Variants in RELL1 observed in about 807,000 individuals in gnomAD.
RELL1 encodes the protein RELT-like protein 1.
Under a neutral mutation model 23.0 loss-of-function variants are expected in RELL1, and 10 were observed. The observed-to-expected ratio is 0.43, with a 90% CI of 0.27 to 0.74. RELL1 has a LOEUF of 0.74. RELL1 is among the 30% of genes least tolerant of loss of function. RELL1 has a pLI of 0.19. For synonymous variants in RELL1, 146 were observed against 146.8 expected, an observed-to-expected ratio of 0.99 and a Z score of 0.04; for missense variants, 315 against 364.4, an observed-to-expected ratio of 0.86 and a Z score of 1.10.
At chr4:37,677,604 A>C (rs1230433586) in intron 1 of RELL1, among the ~76,000 whole-genome samples, 3 of 152,228 alleles carry the variant, frequency 2.0e-5, no homozygotes, top group African/African-American at 7.2e-5. Flanking sequence ...CAATTGGTGA[A>C]TCTTCCAAAG....
At chr4:37,641,687 G>T (rs559784661) in intron 3 of RELL1, among the ~76,000 whole-genome samples, 2 of 152,242 alleles carry the variant, frequency 1.3e-5, no homozygotes, top group African/African-American at 4.8e-5. Context: ...CTGAATCCCT[G>T]CTTGATAATA....
chr4:37,668,528 C>T (rs983104104), intron 1 of RELL1, among the ~76,000 whole-genome samples: 3 of 151,950 alleles, frequency 2.0e-5, no homozygotes, highest in African/African-American at 7.2e-5. Flanking sequence ...CTCAATGGTG[C>T]CCAGGCTGGA....
chr4:37,631,748 C>T (rs568505052), intron 5 of RELL1, among the ~76,000 whole-genome samples: 6 of 152,138 alleles, frequency 3.9e-5, no homozygotes, highest in East Asian at 1.9e-4. Context: ...CAGACTAAGC[C>T]GGATATTTTA....
At chr4:37,588,966 A>T, downstream of RELL1, 3 of 1,177,210 alleles carry the variant, frequency 2.5e-6, no homozygotes, top group Non-Finnish European at 3.8e-6. Context: ...ACTTTTAAAG[A>T]CCATGCGTGT....
At chr4:37,588,596 C>T, downstream of RELL1, 1 of 441,848 alleles carries the variant, frequency 2.3e-6, no homozygotes, top group South Asian at 3.4e-5. Flanking sequence ...AAACACATAA[C>T]CCCAGGGTTG....
At chr4:37,639,248 G>A (rs916003573) in intron 3 of RELL1, among the ~76,000 whole-genome samples, 10 of 151,990 alleles carry the variant, frequency 6.6e-5, no homozygotes, top group African/African-American at 2.2e-4. Context: ...GCTGGGCGTG[G>A]TGGCAGGCAC....
At position 37,663,175 on chromosome 4, in the gene RELL1, C is replaced by T. The variant is rs544815691; in HGVS notation, c.89-13675G>A. Among the ~76,000 whole-genome samples the T allele has an allele frequency of 8.2e-4, 125 of 152,238 alleles. No individual in the cohort carries two copies. The Middle Eastern group carries it at 0.01, about 12-fold the overall frequency. On this transcript the variant is annotated intron_variant, in intron 1 of 6. Transcript: ENST00000454158. ...TCTCTCCCCATCTTCTTTTCCTGTT[C>T]TCCAGCCCCTCCCTCCCTCTTTCGC... is the stretch of plus-strand genomic sequence containing the variant.
chr4:37,601,941 C>A (rs1286715731), intron 6 of RELL1, among the ~76,000 whole-genome samples: 1 of 152,034 alleles, frequency 6.6e-6, no homozygotes, highest in Non-Finnish European at 1.5e-5. Context: ...AGGCTGGGCA[C>A]AGTGGCTCAT....
intron 6 of RELL1, among the ~76,000 whole-genome samples, chr4:37,593,233 A>G (rs1718700305): frequency 6.6e-6 from 1 of 152,136 alleles, no homozygotes; most frequent in Non-Finnish European, 1.5e-5. Context: ...GTTGTATGGG[A>G]CGAGTGTTTT....
At chr4:37,686,159 G>T in intron 1 of RELL1, 41 bp downstream of exon 1, 1 of 1,518,370 alleles carries the variant, frequency 6.6e-7, no homozygotes, top group Non-Finnish European at 8.9e-7. Flanking sequence ...TCCCGGGACC[G>T]GGCTCAGCAC....
intron 6 of RELL1, among the ~76,000 whole-genome samples, chr4:37,615,907 C>T (rs948093966): frequency 2.0e-5 from 3 of 151,914 alleles, no homozygotes; most frequent in Admixed American, 6.6e-5. Flanking sequence ...TATGGGTCCA[C>T]GGAAGCTGCC....
At chr4:37,681,162 T>C (rs1259445668) in intron 1 of RELL1, among the ~76,000 whole-genome samples, 1 of 152,180 alleles carries the variant, frequency 6.6e-6, no homozygotes, top group Non-Finnish European at 1.5e-5. Context: ...TAGCAAACTC[T>C]AATCTGAGGT....
At chr4:37,630,217 T>C (rs992135498) in intron 6 of RELL1, among the ~76,000 whole-genome samples, 2 of 150,682 alleles carry the variant, frequency 1.3e-5, no homozygotes, top group Non-Finnish European at 3.0e-5. Context: ...CCCTCCCAAA[T>C]CGTCACCGTT....
chr4:37,586,403 G>T (rs1718342237), downstream of RELL1, among the ~76,000 whole-genome samples: 2 of 152,162 alleles, frequency 1.3e-5, no homozygotes, highest in Admixed American at 1.3e-4. Flanking sequence ...TGTCCTAAGT[G>T]CTGAGAATTA....
intron 1 of RELL1, among the ~76,000 whole-genome samples, chr4:37,659,416 T>C (rs1277397768): frequency 6.6e-6 from 1 of 152,196 alleles, no homozygotes; most frequent in South Asian, 2.1e-4. Context: ...CAAGTAATAC[T>C]TGTATTTCCA....
chr4:37,609,519 C>A (rs1719312011), downstream of RELL1, among the ~76,000 whole-genome samples: 1 of 152,214 alleles, frequency 6.6e-6, no homozygotes, highest in South Asian at 2.1e-4. Context: ...AAAGGCATTT[C>A]ATAAGGCTAC....
intron 6 of RELL1, among the ~76,000 whole-genome samples, chr4:37,615,745 A>T (rs1380045439): frequency 6.6e-6 from 1 of 152,220 alleles, no homozygotes; most frequent in Non-Finnish European, 1.5e-5. Context: ...CCAAAGTGTA[A>T]CCATTTTGCT....
At chr4:37,686,050 C>T in intron 1 of RELL1, 150 bp downstream of exon 1, 1 of 675,800 alleles carries the variant, frequency 1.5e-6, no homozygotes, top group Non-Finnish European at 2.4e-6. Context: ...GCCCGGACCG[C>T]CGCGGGACAG....
intron 3 of RELL1, among the ~76,000 whole-genome samples, chr4:37,638,867 G>A (rs1720425648): frequency 6.6e-6 from 1 of 152,192 alleles, no homozygotes; most frequent in Non-Finnish European, 1.5e-5. Flanking sequence ...CTCCCTTGCA[G>A]TTAACTAATT....
Sources: gnomAD v4.1 joint callset for allele counts (sites outside exome capture counted in the v4.1 genomes callset) on GRCh38, gnomAD v4.1.1 for gene constraint, MANE v1.5 for transcripts, NCBI Gene and HGNC (gene_info 2026-07-23, HGNC 2026-07-21) for gene names.